Variants in CEP170 observed in about 807,000 individuals in gnomAD.
CEP170 encodes centrosomal protein 170.
In CEP170, 21 loss-of-function variants were observed where a neutral mutation model predicts 151.9. The ratio of observed to expected loss-of-function variants is 0.14; its 90% CI spans 0.10 to 0.20. The LOEUF is 0.20. Ranked by LOEUF, CEP170 falls within the 10% of genes least tolerant of loss-of-function variation. The probability of loss-of-function intolerance (pLI) is 1.00; values close to 1 mark genes in which losing one functional copy is unlikely to be tolerated. For missense variants in CEP170, 964 were observed against 1,892.9 expected, an observed-to-expected ratio of 0.51 and a Z score of 9.11; for synonymous variants, 356 against 648.8, an observed-to-expected ratio of 0.55 and a Z score of 6.86.
chr1:243,214,280 G>GTTTTTTTT (rs758433258), intron 3 of CEP170, among the ~76,000 whole-genome samples: 5 of 100,536 alleles, frequency 5.0e-5, no homozygotes, highest in South Asian at 3.4e-4. Context: ...AAGCTGTAAA[G>GTTTTTTTT]TTTTTTTTTT....
intron 16 of CEP170, among the ~76,000 whole-genome samples, chr1:243,137,270 C>T (rs1362969492): frequency 6.6e-6 from 1 of 152,186 alleles, no homozygotes; most frequent in East Asian, 1.9e-4. Flanking sequence ...TTGAGTCTAG[C>T]TGTGGGTTTC....
intron 1 of CEP170, among the ~76,000 whole-genome samples, chr1:243,233,704 G>A (rs186227835): frequency 7.4e-6 from 1 of 135,938 alleles, no homozygotes; most frequent in African/African-American, 2.8e-5. Context: ...CTGTACTCCA[G>A]ACTGGGCAAC....
At chr1:243,175,951 T>C (rs1037166772) in intron 10 of CEP170, among the ~76,000 whole-genome samples, 8 of 151,982 alleles carry the variant, frequency 5.3e-5, no homozygotes, top group Admixed American at 6.6e-5. Context: ...CGCCCGCCAC[T>C]ACGCCTGGCT....
intron 1 of CEP170, among the ~76,000 whole-genome samples, chr1:243,240,730 T>C (rs1292939866): frequency 6.6e-6 from 1 of 152,158 alleles, no homozygotes; most frequent in Non-Finnish European, 1.5e-5. Context: ...TTTTGCTCTG[T>C]TGCCCAGACT....
chr1:243,213,215 C>T (rs1489848982), intron 3 of CEP170, among the ~76,000 whole-genome samples: 1 of 151,900 alleles, frequency 6.6e-6, no homozygotes, highest in Non-Finnish European at 1.5e-5. Context: ...GTGAAAAGCA[C>T]AGACCTACGA....
chr1:243,139,089 T>C (rs1455051089), intron 16 of CEP170, among the ~76,000 whole-genome samples: 1 of 152,018 alleles, frequency 6.6e-6, no homozygotes, highest in Non-Finnish European at 1.5e-5. Flanking sequence ...TTGTAGGCCT[T>C]AAGTATTTTC....
At chr1:243,246,455 C>T (rs1289433596) in intron 1 of CEP170, among the ~76,000 whole-genome samples, 1 of 152,146 alleles carries the variant, frequency 6.6e-6, no homozygotes, top group Non-Finnish European at 1.5e-5. Flanking sequence ...TGGTCTTGAA[C>T]TCCTGACCTC....
At chr1:243,145,231 A>G (rs2056325358) in intron 14 of CEP170, among the ~76,000 whole-genome samples, 1 of 152,244 alleles carries the variant, frequency 6.6e-6, no homozygotes, top group Non-Finnish European at 1.5e-5. Flanking sequence ...TCATTGATTT[A>G]AACTGCCAAC....
chr1:243,191,376 T>C lies in CEP170; in HGVS notation c.750A>G (p.Gln250=), dbSNP rs1185125387. 2 of 1,600,554 alleles carry C rather than the reference T, an allele frequency of 1.2e-6. No individual in the cohort carries two copies. Among genetic ancestry groups the C allele is most frequent in the African/African-American group, 2.7e-5 (2 of 74,316 alleles). The change falls in exon 8 of 20, where the codon CAA becomes CAG. Residue 250 remains glutamine (Q), a synonymous_variant. Transcript: ENST00000366542. ...TAGTGCTTTCTGTTATTTGTGATGG[T>C]TGCTGGAATTCTTTTGTAGGGATTT... The part of the protein sequence containing the change: ...YFEIPTKEFQ[Q]PSQITESTIH...
intron 1 of CEP170, among the ~76,000 whole-genome samples, chr1:243,231,838 G>A (rs1457756008): frequency 6.6e-6 from 1 of 152,082 alleles, no homozygotes; most frequent in Non-Finnish European, 1.5e-5. Context: ...TGCTGGGTGC[G>A]GTGGCTCATG....
chr1:243,153,486 TA>T (rs1225794162), intron 14 of CEP170, among the ~76,000 whole-genome samples: 1 of 152,220 alleles, frequency 6.6e-6, no homozygotes, highest in East Asian at 1.9e-4. Flanking sequence ...TGTCTTCTTT[TA>T]ATTAAGAAAT....
intron 1 of CEP170, among the ~76,000 whole-genome samples, chr1:243,245,940 C>T (rs977746598): frequency 6.1e-5 from 9 of 148,510 alleles, no homozygotes; most frequent in African/African-American, 1.5e-4. Flanking sequence ...AGCGGGACCT[C>T]GTCTCAAAAA....
At chr1:243,199,342 C>A (rs1265749602) in intron 6 of CEP170, 148 bp from the exon 7 acceptor site, 2 of 725,768 alleles carry the variant, frequency 2.8e-6, no homozygotes, top group Non-Finnish European at 4.3e-6. Flanking sequence ...ACTGAATTAA[C>A]TCGGTATTTG....
At chr1:243,149,273 C>T (rs2056837503) in intron 14 of CEP170, among the ~76,000 whole-genome samples, 1 of 152,172 alleles carries the variant, frequency 6.6e-6, no homozygotes, top group South Asian at 2.1e-4. Flanking sequence ...CAAACCTATG[C>T]TATCTCCACC....
At chr1:243,251,123 A>G (rs2065898180) in intron 1 of CEP170, among the ~76,000 whole-genome samples, 1 of 152,236 alleles carries the variant, frequency 6.6e-6, no homozygotes, top group Admixed American at 6.5e-5. Context: ...GGAAGAAGTT[A>G]TATAGTAAAA....
At chr1:243,233,869 A>T (rs1295290914) in intron 1 of CEP170, among the ~76,000 whole-genome samples, 1 of 151,978 alleles carries the variant, frequency 6.6e-6, no homozygotes, top group African/African-American at 2.4e-5. Context: ...TGAGACAGGC[A>T]ATAATAAGTA....
chr1:243,211,959 A>T lies in CEP170; in HGVS notation c.201T>A (p.Phe67Leu). ...GTTCCGGAATCCTTACATCATTCAC[A>T]AAAGTCTACAAGGAAACAAAAAAAG... is the stretch of plus-strand genomic sequence containing the variant. ...VKDLGSLNGT[F>L]VNDVRIPEQT... The change falls in exon 4 of 20, where the codon TTT becomes TTA. Residue 67 changes from phenylalanine to leucine, a missense_variant. Physicochemically the swap from Phe to Leu is conservative, Grantham distance 22. Coordinates refer to ENST00000366542, the MANE Select transcript of CEP170 (RefSeq NM_014812.3). 6.6e-7 allele frequency: 1 copy of T among 1,518,420 alleles called. No individual in the cohort carries two copies. The highest frequency in any genetic ancestry group is 8.8e-7 in the Non-Finnish European group (1 of 1,136,784). The allele number at this position is 1,518,420 out of a possible 1,614,324, so 94.1% of individuals were successfully genotyped here. A position where few individuals can be genotyped will look rare whatever the true frequency, so the allele number is the denominator to read the frequency against.
chr1:243,181,083 T>C (rs913219815), intron 10 of CEP170, among the ~76,000 whole-genome samples: 3 of 152,232 alleles, frequency 2.0e-5, no homozygotes, highest in African/African-American at 7.2e-5. Flanking sequence ...TTTAGCTTTC[T>C]GTTCTTACCA....
intron 10 of CEP170, among the ~76,000 whole-genome samples, chr1:243,173,728 CCT>C (rs1285559407): frequency 6.8e-6 from 1 of 147,336 alleles, no homozygotes; most frequent in Non-Finnish European, 1.5e-5. Context: ...AAAGTGAGAC[CCT>C]GTTTCAAAAA....
Sources: gnomAD v4.1 joint callset for allele counts (sites outside exome capture counted in the v4.1 genomes callset) on GRCh38, gnomAD v4.1.1 for gene constraint, MANE v1.5 for transcripts, NCBI Gene and HGNC (gene_info 2026-07-23, HGNC 2026-07-21) for gene names.